Variants in CDH12 observed in about 807,000 individuals in gnomAD.
CDH12 encodes the protein cadherin-12.
A neutral mutation model predicts 74.1 loss-of-function variants in CDH12; 41 were observed. The observed-to-expected ratio is 0.55, with a 90% CI of 0.43 to 0.72. The LOEUF is 0.72. CDH12 is among the 30% of genes least tolerant of loss of function. CDH12 has a pLI of 0.00. For missense variants in CDH12, 945 were observed against 977.2 expected, an observed-to-expected ratio of 0.97 and a Z score of 0.44; for synonymous variants, 399 against 355.0, an observed-to-expected ratio of 1.12 and a Z score of -1.39.
intron 1 of CDH12, among the ~76,000 whole-genome samples, chr5:22,540,750 G>C (rs1321084043): frequency 1.3e-5 from 2 of 152,116 alleles, no homozygotes; most frequent in Non-Finnish European, 2.9e-5. Context: ...TGTTCACCCA[G>C]TATTTCAAGA....
At chr5:22,623,599 A>C (rs1034082119) in intron 1 of CDH12, among the ~76,000 whole-genome samples, 4 of 152,206 alleles carry the variant, frequency 2.6e-5, no homozygotes, top group Non-Finnish European at 4.4e-5. Context: ...TAGGAATCCA[A>C]CTTACAAGGG....
At chr5:21,898,474 G>A (rs1041005984) in intron 6 of CDH12, among the ~76,000 whole-genome samples, 1 of 151,978 alleles carries the variant, frequency 6.6e-6, no homozygotes, top group East Asian at 1.9e-4. Context: ...AGGCTGAGGC[G>A]GGCGGATCAG....
intron 2 of CDH12, among the ~76,000 whole-genome samples, chr5:22,472,741 A>G (rs1193330327): frequency 6.6e-6 from 1 of 152,098 alleles, no homozygotes; most frequent in East Asian, 1.9e-4. Context: ...AAATTTTACC[A>G]CACCCAGAAA....
At chr5:21,910,145 G>C (rs923140184) in intron 6 of CDH12, among the ~76,000 whole-genome samples, 1 of 152,068 alleles carries the variant, frequency 6.6e-6, no homozygotes, top group Non-Finnish European at 1.5e-5. Flanking sequence ...GTTGCCATGT[G>C]GAAAATGTGT....
At chr5:22,763,887 T>A (rs777727037) in intron 1 of CDH12, among the ~76,000 whole-genome samples, 41 of 152,018 alleles carry the variant, frequency 2.7e-4, no homozygotes, top group Non-Finnish European at 5.0e-4. Context: ...TGAATAATAA[T>A]TAAGATATAG....
At chr5:22,215,929 A>G (rs1427654371) in intron 3 of CDH12, among the ~76,000 whole-genome samples, 1 of 152,154 alleles carries the variant, frequency 6.6e-6, no homozygotes, top group Non-Finnish European at 1.5e-5. Flanking sequence ...TGCAACATTT[A>G]AACTTTGCCA....
chr5:22,258,436 G>C lies in CDH12; in HGVS notation c.-332-45793C>G, dbSNP rs1216466796. Among the ~76,000 whole-genome samples, 5 of 151,914 alleles carry C rather than the reference G, an allele frequency of 3.3e-5. No homozygotes were observed. The South Asian group carries it at 1.0e-3, about 32-fold the overall frequency. On this transcript the variant is annotated intron_variant, in intron 3 of 14. Coordinates refer to ENST00000382254, the MANE Select transcript of CDH12 (RefSeq NM_004061.5). ...CAAGCACAGGGCTAGCCTGGCCTCT[G>C]TATCTCCCCACCACCAACCTCTTAA... is the stretch of plus-strand genomic sequence containing the variant.
rs1265092220 is a variant in CDH12, at chr5:22,223,884, G to T, written c.-332-11241C>A. ...TCAGGGCAATTGAGCCACAAAGAAGGTTAATCCCATAAGAAAGACATTCTA... is the reference window on the plus strand; with the variant it reads ...TCAGGGCAATTGAGCCACAAAGAAGTTTAATCCCATAAGAAAGACATTCTA... On this transcript the variant is annotated intron_variant, in intron 3 of 14. Coordinates refer to ENST00000382254, the MANE Select transcript of CDH12 (RefSeq NM_004061.5). Among the ~76,000 whole-genome samples the T allele has an allele frequency of 1.3e-5, 2 of 151,940 alleles. 1 individual carries two copies. Among genetic ancestry groups the T allele is most frequent in the Non-Finnish European group, 2.9e-5 (2 of 67,952 alleles).
intron 6 of CDH12, among the ~76,000 whole-genome samples, chr5:21,961,621 T>C (rs1015859413): frequency 3.3e-5 from 5 of 152,098 alleles, no homozygotes; most frequent in African/African-American, 9.7e-5. Context: ...TCCAATGTGA[T>C]TGGTGGCCTT....
chr5:22,649,367 T>G (rs1333236443), intron 1 of CDH12, among the ~76,000 whole-genome samples: 1 of 152,036 alleles, frequency 6.6e-6, no homozygotes, highest in Non-Finnish European at 1.5e-5. Flanking sequence ...CTCAGATGAA[T>G]GCTTTCCTTT....
intron 1 of CDH12, among the ~76,000 whole-genome samples, chr5:22,752,062 G>A (rs1222548591): frequency 6.6e-6 from 1 of 152,048 alleles, no homozygotes; most frequent in African/African-American, 2.4e-5. Flanking sequence ...CTAGAGAAAA[G>A]TAGCAAATCT....
chr5:21,781,514 A>G (rs979344248), intron 11 of CDH12, among the ~76,000 whole-genome samples: 4 of 152,130 alleles, frequency 2.6e-5, no homozygotes, highest in African/African-American at 9.7e-5. Flanking sequence ...ACCTAAAGTC[A>G]GGAGTTCGAG....
At chr5:22,675,886 T>TATATATAC (rs1364470668) in intron 1 of CDH12, among the ~76,000 whole-genome samples, 1 of 145,268 alleles carries the variant, frequency 6.9e-6, no homozygotes, top group Non-Finnish European at 1.5e-5. Context: ...TATATATATA[T>TATATATAC]ACTTTTGTTT....
intron 5 of CDH12, among the ~76,000 whole-genome samples, chr5:22,009,560 T>A (rs1193153668): frequency 6.6e-6 from 1 of 152,208 alleles, no homozygotes; most frequent in East Asian, 1.9e-4. Flanking sequence ...TCAAAAGGAA[T>A]GTTACTTGTT....
intron 1 of CDH12, among the ~76,000 whole-genome samples, chr5:22,656,587 A>G (rs1178427347): frequency 2.0e-5 from 3 of 152,214 alleles, no homozygotes; most frequent in Non-Finnish European, 2.9e-5. Context: ...GGATATGTAA[A>G]TTGATTTAAA....
chr5:22,417,781 T>C (rs920960965), intron 2 of CDH12, among the ~76,000 whole-genome samples: 1 of 152,170 alleles, frequency 6.6e-6, no homozygotes, highest in African/African-American at 2.4e-5. Flanking sequence ...AAAATGGAAG[T>C]GTATTTTCAT....
At chr5:21,909,800 TG>T (rs1753788774) in intron 6 of CDH12, among the ~76,000 whole-genome samples, 1 of 152,154 alleles carries the variant, frequency 6.6e-6, no homozygotes, top group Non-Finnish European at 1.5e-5. Flanking sequence ...TTTAACTATA[TG>T]AAAAAAAGAC....
chr5:22,444,558 A>G (rs1744746362), intron 2 of CDH12, among the ~76,000 whole-genome samples: 2 of 145,164 alleles, frequency 1.4e-5, no homozygotes, highest in Non-Finnish European at 3.0e-5. Flanking sequence ...TTTTTTTCCC[A>G]TAAGTACAAC....
At chr5:21,756,349 C>A (rs1215713877) in intron 13 of CDH12, among the ~76,000 whole-genome samples, 1 of 151,918 alleles carries the variant, frequency 6.6e-6, no homozygotes, top group East Asian at 1.9e-4. Flanking sequence ...TATGGGAATA[C>A]TTTCACCTCT....
Sources: allele counts gnomAD v4.1 joint callset (sites outside exome capture counted in the v4.1 genomes callset), GRCh38; gene constraint gnomAD v4.1.1; transcripts MANE v1.5; gene names NCBI Gene and HGNC (gene_info 2026-07-23, HGNC 2026-07-21).